Variants in PREX2 observed in about 807,000 individuals in gnomAD.
The protein encoded by PREX2 is phosphatidylinositol 3,4,5-trisphosphate-dependent Rac exchanger 2 protein.
Under a neutral mutation model 203.2 loss-of-function variants are expected in PREX2, and 107 were observed. That is an observed-to-expected ratio of 0.53 (90% CI 0.45 to 0.62). PREX2 has a LOEUF of 0.62. Among genes scored for constraint, PREX2 ranks in the 20% least tolerant of loss-of-function variants. The pLI, the probability that PREX2 is intolerant of heterozygous loss-of-function variation, is 0.00. For synonymous variants in PREX2, 672 were observed against 663.6 expected (o/e 1.01, Z -0.19); for missense variants, 1,777 against 1,955.9 (o/e 0.91, Z 1.72).
intron 37 of PREX2, among the ~76,000 whole-genome samples, chr8:68,204,046 CACCAAAAT>C (rs1812561178): frequency 6.6e-6 from 1 of 152,086 alleles, no homozygotes; most frequent in African/African-American, 2.4e-5. Context: ...CCGCCCCACC[CACCAAAAT>C]AGAAATGAAA....
At chr8:68,092,993 C>T (rs78035947) in intron 20 of PREX2, among the ~76,000 whole-genome samples, 255 of 152,134 alleles carry the variant, frequency 1.7e-3, no homozygotes, top group African/African-American at 6.0e-3. Context: ...AACTTACTTA[C>T]GATATACTTG....
At chr8:68,146,780 ATG>A in intron 34 of PREX2, among the ~76,000 whole-genome samples, 1 of 152,298 alleles carries the variant, frequency 6.6e-6, no homozygotes, top group East Asian at 1.9e-4. Context: ...TGTATGTTAA[ATG>A]TTTTCAGTAT....
At chr8:67,976,770 GAC>G (rs1806123855) in intron 1 of PREX2, among the ~76,000 whole-genome samples, 1 of 91,578 alleles carries the variant, frequency 1.1e-5, no homozygotes, top group Non-Finnish European at 2.7e-5. Context: ...GAGAGAGAGA[GAC>G]AGAGACAGAG....
intron 35 of PREX2, among the ~76,000 whole-genome samples, chr8:68,175,530 C>T (rs754768863): frequency 6.6e-6 from 1 of 152,010 alleles, no homozygotes. Context: ...ATAATGAGAA[C>T]CCTAAGTAGA....
intron 8 of PREX2, among the ~76,000 whole-genome samples, chr8:68,051,976 T>C (rs1225430894): frequency 6.6e-6 from 1 of 152,142 alleles, no homozygotes; most frequent in Non-Finnish European, 1.5e-5. Context: ...TGACCTCATA[T>C]AATGTGTAGT....
intron 25 of PREX2, among the ~76,000 whole-genome samples, chr8:68,114,594 G>C (rs920124518): frequency 6.6e-6 from 1 of 152,170 alleles, no homozygotes; most frequent in Non-Finnish European, 1.5e-5. Context: ...TAGAGTGTTG[G>C]AGTCAGCAGC....
chr8:67,990,173 A>G (rs1275918888), intron 1 of PREX2, among the ~76,000 whole-genome samples: 1 of 151,296 alleles, frequency 6.6e-6, no homozygotes, highest in Non-Finnish European at 1.5e-5. Flanking sequence ...TTTAGTAGAA[A>G]TGGGGTTTCA....
chr8:68,000,442 CAG>C (rs1330659638), intron 1 of PREX2, among the ~76,000 whole-genome samples: 1 of 152,038 alleles, frequency 6.6e-6, no homozygotes, highest in African/African-American at 2.4e-5. Flanking sequence ...TCAAAAAAAT[CAG>C]AGATGACACA....
intron 1 of PREX2, among the ~76,000 whole-genome samples, chr8:68,010,909 C>G (rs1181555331): frequency 6.6e-6 from 1 of 152,132 alleles, no homozygotes; most frequent in African/African-American, 2.4e-5. Context: ...AGGAAAGAGA[C>G]ATCAATGACC....
At chr8:68,181,506 G>A (rs1462021271) in intron 35 of PREX2, among the ~76,000 whole-genome samples, 1 of 152,092 alleles carries the variant, frequency 6.6e-6, no homozygotes, top group African/African-American at 2.4e-5. Flanking sequence ...CACTTTGGAA[G>A]TTTAAAATAG....
chr8:68,099,342 T>C (rs77654035), intron 22 of PREX2, among the ~76,000 whole-genome samples: 3,356 of 152,158 alleles, frequency 0.022, 110 homozygotes, highest in African/African-American at 0.068. Context: ...GACTAAAATA[T>C]AGAAGTGTCC....
intron 33 of PREX2, among the ~76,000 whole-genome samples, chr8:68,139,733 G>A (rs1041147047): frequency 6.6e-6 from 1 of 152,114 alleles, no homozygotes; most frequent in African/African-American, 2.4e-5. Flanking sequence ...TATGAAAATA[G>A]AACAGAATAT....
intron 18 of PREX2, 152 bp downstream of exon 18, chr8:68,083,540 G>A (rs922261996): frequency 3.1e-5 from 15 of 487,148 alleles, no homozygotes; most frequent in African/African-American, 2.5e-4. Flanking sequence ...TACAGATGAT[G>A]GGAGAAGCTA....
intron 35 of PREX2, among the ~76,000 whole-genome samples, chr8:68,181,852 G>A (rs1438167137): frequency 6.6e-6 from 1 of 152,086 alleles, no homozygotes; most frequent in African/African-American, 2.4e-5. Flanking sequence ...TGGGATAAAA[G>A]AGAAACTGTA....
intron 23 of PREX2, among the ~76,000 whole-genome samples, chr8:68,102,590 T>C (rs1317307480): frequency 1.3e-5 from 2 of 152,204 alleles, no homozygotes; most frequent in East Asian, 3.9e-4. Context: ...TTTTCACACA[T>C]ATACTTTAAA....
intron 6 of PREX2, among the ~76,000 whole-genome samples, chr8:68,032,669 G>T (rs1214895617): frequency 6.6e-6 from 1 of 152,176 alleles, no homozygotes; most frequent in Non-Finnish European, 1.5e-5. Flanking sequence ...AGTCACACAG[G>T]CTGAATTCAG....
At chr8:68,006,478 C>T (rs1055985698) in intron 1 of PREX2, among the ~76,000 whole-genome samples, 2 of 152,068 alleles carry the variant, frequency 1.3e-5, no homozygotes, top group African/African-American at 4.8e-5. Flanking sequence ...CATTTTTATT[C>T]CTACTCCACC....
chr8:67,999,143 A>T (rs1396367271), intron 1 of PREX2, among the ~76,000 whole-genome samples: 1 of 152,144 alleles, frequency 6.6e-6, no homozygotes, highest in South Asian at 2.1e-4. Flanking sequence ...ACTGAAGGAG[A>T]TTGAGATACA....
chr8:68,083,073 CTG>C (rs1202163974), intron 17 of PREX2, among the ~76,000 whole-genome samples, 165 bp from the exon 18 acceptor site: 6 of 152,166 alleles, frequency 3.9e-5, no homozygotes, highest in African/African-American at 1.2e-4. Context: ...AGAATGATAA[CTG>C]TGTTATCTAC....
Sources: gnomAD v4.1 joint callset for allele counts (sites outside exome capture counted in the v4.1 genomes callset) on GRCh38, gnomAD v4.1.1 for gene constraint, MANE v1.5 for transcripts, NCBI Gene and HGNC (gene_info 2026-07-23, HGNC 2026-07-21) for gene names.